The following RAB40C variants were observed in gnomAD, a reference collection of about 807,000 sequenced individuals.
RAB40C encodes RAB40C, member RAS oncogene family, also known as ras-related protein Rab-40C.
A neutral mutation model predicts 28.1 loss-of-function variants in RAB40C; 8 were observed. That is an observed-to-expected ratio of 0.28 (90% CI 0.17 to 0.51). The LOEUF is 0.51. Ranked by LOEUF, RAB40C falls within the 20% of genes least tolerant of loss-of-function variation. The probability of loss-of-function intolerance (pLI) is 0.97; values close to 1 mark genes in which losing one functional copy is unlikely to be tolerated. For missense variants in RAB40C, 288 were observed against 405.9 expected (o/e 0.71, Z 2.50); for synonymous variants, 201 against 171.7 (o/e 1.17, Z -1.34).
Position 616,333 on chromosome 16 carries a change from TTTTA to T in RAB40C, c.143-844_143-841del, listed in dbSNP as rs57235517. ...CAGTCCAGAGTCCGGAGAAGCAGCA[TTTTA>T]TTTATTTATTTATTTATTTATTTAT... On this transcript the variant is annotated intron_variant, in intron 1 of 5. Coordinates refer to ENST00000248139, the MANE Select transcript of RAB40C (RefSeq NM_021168.5). 7.9e-3 allele frequency among the ~76,000 whole-genome samples: 1,120 copies of T among 141,634 alleles called. 3 individuals carry two copies. Among genetic ancestry groups the T allele is most frequent in the African/African-American group, 0.016 (599 of 37,572 alleles). 92.9% of individuals were successfully genotyped at this position (141,634 alleles called of 152,430 possible).
chr16:605,064 AT>A (rs1221652442), intron 1 of RAB40C, among the ~76,000 whole-genome samples: 1 of 152,112 alleles, frequency 6.6e-6, no homozygotes, highest in African/African-American at 2.4e-5. Context: ...TCTCAAAAAA[AT>A]AAATAAATTA....
At chr16:591,971 G>C (rs2036009166) in intron 1 of RAB40C, among the ~76,000 whole-genome samples, 1 of 152,180 alleles carries the variant, frequency 6.6e-6, no homozygotes, top group East Asian at 1.9e-4. Flanking sequence ...TTGCCTGCCT[G>C]AGCATGCCTC....
rs2036869286 is a variant in RAB40C, at chr16:627,637, G to A, written c.*15G>A. On this transcript the variant is annotated 3_prime_UTR_variant, in exon 6 of 6. Coordinates refer to ENST00000248139, the MANE Select transcript of RAB40C (RefSeq NM_021168.5). Reference sequence around the variant, plus strand: ...AGATCTCCTAGCGGGGATGGGCGGGGCCGCCTGTGCAGATGCCAGGAGGGC... The same window carrying A: ...AGATCTCCTAGCGGGGATGGGCGGGACCGCCTGTGCAGATGCCAGGAGGGC... The A allele has an allele frequency of 5.8e-6, 9 of 1,558,508 alleles. No individual in the cohort carries two copies. Among genetic ancestry groups the A allele is most frequent in the Non-Finnish European group, 7.8e-6 (9 of 1,150,236 alleles).
chr16:596,179 T>C (rs2036120115), intron 1 of RAB40C: 6 of 406,314 alleles, frequency 1.5e-5, no homozygotes, highest in Non-Finnish European at 3.0e-5. Context: ...AGCACACGTG[T>C]TGTGGCCTGC....
intron 3 of RAB40C, among the ~76,000 whole-genome samples, chr16:621,950 G>A (rs1178003593): frequency 1.3e-5 from 2 of 152,210 alleles, no homozygotes; most frequent in Non-Finnish European, 2.9e-5. Flanking sequence ...CGGCTTGGCA[G>A]TAGCTCCCAT....
intron 1 of RAB40C, among the ~76,000 whole-genome samples, chr16:600,336 TTGAG>T (rs1327378404): frequency 6.6e-6 from 1 of 152,232 alleles, no homozygotes; most frequent in Non-Finnish European, 1.5e-5. Flanking sequence ...TTATTAAAAA[TTGAG>T]TATATGCAAA....
intron 1 of RAB40C, among the ~76,000 whole-genome samples, chr16:604,935 G>GT (rs1268943115): frequency 6.6e-6 from 1 of 152,116 alleles, no homozygotes; most frequent in African/African-American, 2.4e-5. Context: ...GGTGGTGCTT[G>GT]TGGTCCCAGT....
At chr16:621,281 G>A (rs1211264637) in intron 3 of RAB40C, among the ~76,000 whole-genome samples, 3 of 152,260 alleles carry the variant, frequency 2.0e-5, no homozygotes, top group South Asian at 4.1e-4. Context: ...GTGAGCAGCG[G>A]TGAGGTGCGG....
At chr16:607,245 C>A (rs1465050352) in intron 1 of RAB40C, among the ~76,000 whole-genome samples, 1 of 152,144 alleles carries the variant, frequency 6.6e-6, no homozygotes, top group South Asian at 2.1e-4. Flanking sequence ...CCCTGTCATC[C>A]CAGCGCTTTG....
intron 3 of RAB40C, chr16:625,008 T>A: frequency 7.8e-7 from 1 of 1,290,162 alleles, no homozygotes; most frequent in Non-Finnish European, 1.0e-6. Flanking sequence ...AAGTTTTAGG[T>A]TGGAAAACTC....
rs562039422 is a variant in RAB40C at position 594,718 on chromosome 16, G to A, written c.142+4285G>A. 1.2e-4 allele frequency among the ~76,000 whole-genome samples: 19 copies of A among 152,150 alleles called. No individual in the cohort carries two copies. In the South Asian group the frequency reaches 3.5e-3, roughly 28 times the overall value. ...TCTTTAGGTGACTGGACAGCCGTGC[G>A]TGGCTTCCCTGTGCCTACTGTTGGT... On this transcript the variant is annotated intron_variant, in intron 1 of 5. Coordinates refer to ENST00000248139, the MANE Select transcript of RAB40C (RefSeq NM_021168.5).
intron 5 of RAB40C, 136 bp downstream of exon 5, chr16:626,257 C>G (rs1048234615): frequency 5.9e-6 from 5 of 840,716 alleles, no homozygotes; most frequent in Non-Finnish European, 9.3e-6. Context: ...GGGGCTCGGC[C>G]GGCGGCAGGT....
rs533526548 is a variant in RAB40C at position 611,109 on chromosome 16, C to T, written c.143-6099C>T. ...GCCTGCAGGATGGGTGGGACGCAGA[C>T]GTCCAGCGGGAGGAGCATCCCAGAG... On this transcript the variant is annotated intron_variant, in intron 1 of 5. Coordinates refer to ENST00000248139, the MANE Select transcript of RAB40C (RefSeq NM_021168.5). Among the ~76,000 whole-genome samples, 186 of 152,338 alleles carry T rather than the reference C, an allele frequency of 1.2e-3. 3 individuals are homozygous for T. The highest frequency in any genetic ancestry group is 3.9e-3 in the African/African-American group (162 of 41,576).
At position 625,457 on chromosome 16, in the gene RAB40C, C is replaced by G; in HGVS notation, c.290C>G (p.Thr97Ser). The G allele has an allele frequency of 6.2e-7, 1 of 1,613,582 alleles. No homozygotes were observed. Among genetic ancestry groups the G allele is most frequent in the Non-Finnish European group, 8.5e-7 (1 of 1,179,954 alleles). Reference protein sequence around the residue: ...AQGILLVYDITNRWSFDGIDR... With the variant: ...AQGILLVYDISNRWSFDGIDR... Reference sequence around the variant, plus strand: ...GGGATCCTCTTGGTGTATGACATCACCAACCGCTGGTCCTTTGACGGCATC... The same window carrying G: ...GGGATCCTCTTGGTGTATGACATCAGCAACCGCTGGTCCTTTGACGGCATC... The change falls in exon 4 of 6, where the codon ACC becomes AGC. Residue 97 changes from threonine to serine, a missense_variant. By Grantham distance (58) the Thr-to-Ser change is moderately conservative. Transcript: ENST00000248139.
At chr16:606,801 G>A (rs2036369736) in intron 1 of RAB40C, among the ~76,000 whole-genome samples, 1 of 152,212 alleles carries the variant, frequency 6.6e-6, no homozygotes, top group African/African-American at 2.4e-5. Context: ...CTCATCTGTA[G>A]CTCAGCCAGG....
Position 590,227 on chromosome 16 carries a change from C to G in RAB40C, c.-65C>G, listed in dbSNP as rs1206701867. The G allele has an allele frequency of 1.2e-5, 15 of 1,253,032 alleles. No individual in the cohort carries two copies. Among genetic ancestry groups the G allele is most frequent in the Non-Finnish European group, 1.5e-5 (15 of 992,144 alleles). The allele number at this position is 1,253,032 out of a possible 1,614,324, so 77.6% of individuals were successfully genotyped here. A position where few individuals can be genotyped will look rare whatever the true frequency, so the allele number is the denominator to read the frequency against. On this transcript the variant is annotated 5_prime_UTR_variant, in exon 1 of 6. Transcript: ENST00000248139. ...CGCAGGTGCGGGGCGCGGGCTCTCTCACGCCGCGGCCTCACCCGGCGGTGC... is the reference window on the plus strand; with the variant it reads ...CGCAGGTGCGGGGCGCGGGCTCTCTGACGCCGCGGCCTCACCCGGCGGTGC...
chr16:603,391 C>T (rs1459116098), intron 1 of RAB40C, among the ~76,000 whole-genome samples: 1 of 152,182 alleles, frequency 6.6e-6, no homozygotes, highest in African/African-American at 2.4e-5. Flanking sequence ...CTGTCCTTGT[C>T]TCAGAAGACA....
chr16:625,470 C>G lies in RAB40C; in HGVS notation c.303C>G (p.Ser101=), dbSNP rs1273658197. ...LLVYDITNRW[S]FDGIDRWIKE... is the part of the protein sequence containing the mutation. ...TGTATGACATCACCAACCGCTGGTC[C>G]TTTGACGGCATCGACCGCTGGATCA... The change falls in exon 4 of 6, where the codon TCC becomes TCG. Residue 101 remains serine, a synonymous_variant. Transcript: ENST00000248139. 3.7e-6 allele frequency: 6 copies of G among 1,613,498 alleles called. No individual in the cohort carries two copies. Among genetic ancestry groups the G allele is most frequent in the Non-Finnish European group, 5.1e-6 (6 of 1,179,966 alleles).
chr16:622,627 G>C (rs111742284), intron 3 of RAB40C, among the ~76,000 whole-genome samples: 25,253 of 152,112 alleles, frequency 0.17, 2,327 homozygotes, highest in South Asian at 0.26. Flanking sequence ...CCTGCCTCAG[G>C]CTCCCGAGTA....
Sources: gnomAD v4.1 joint callset for allele counts (sites outside exome capture counted in the v4.1 genomes callset) on GRCh38, gnomAD v4.1.1 for gene constraint, MANE v1.5 for transcripts, NCBI Gene and HGNC (gene_info 2026-07-23, HGNC 2026-07-21) for gene names.